The following RIT2 variants were observed in gnomAD, a reference collection of about 807,000 sequenced individuals.
RIT2 encodes the protein Ras like without CAAX 2, also known as GTP-binding protein Rit2.
RIT2 carries 24 observed loss-of-function variants against 23.7 expected under a neutral mutation model. The observed-to-expected ratio is 1.01, with a 90% CI of 0.73 to 1.43. RIT2 has a LOEUF of 1.43. RIT2 is among the 40% of genes most tolerant of loss of function. The probability of loss-of-function intolerance (pLI) is 0.00; values close to 1 mark genes in which losing one functional copy is unlikely to be tolerated. For synonymous variants in RIT2, 107 were observed against 91.1 expected, an observed-to-expected ratio of 1.17 and a Z score of -0.99; for missense variants, 236 against 266.9, an observed-to-expected ratio of 0.88 and a Z score of 0.81.
At chr18:43,005,808 G>T (rs558391466) in intron 2 of RIT2, among the ~76,000 whole-genome samples, 1 of 151,788 alleles carries the variant, frequency 6.6e-6, no homozygotes, top group Non-Finnish European at 1.5e-5. Flanking sequence ...AACAGAAACA[G>T]AGGTAGACAA....
rs540978102 is a variant in RIT2 at position 42,967,582 on chromosome 18, G to C, written c.234+6492C>G. Among the ~76,000 whole-genome samples the C allele has an allele frequency of 3.9e-3, 506 of 130,808 alleles. 4 individuals are homozygous for C. The highest frequency in any genetic ancestry group is 0.014 in the Middle Eastern group (3 of 218). The allele number at this position is 130,808 out of a possible 152,430, so 85.8% of individuals were successfully genotyped here. ...TTTTTTTTGTATTTTTAGTAGAGAC[G>C]GGGTTTCACCATGTTAGCCAGGATG... On this transcript the variant is annotated intron_variant, in intron 3 of 4. Transcript: ENST00000326695.
intron 4 of RIT2, among the ~76,000 whole-genome samples, chr18:42,840,674 T>G (rs907142111): frequency 3.9e-5 from 6 of 152,172 alleles, no homozygotes; most frequent in African/African-American, 1.4e-4. Context: ...GCTAATTTTG[T>G]ATTTTTAATA....
chr18:42,876,403 G>A (rs535194798), intron 4 of RIT2, among the ~76,000 whole-genome samples: 16 of 148,344 alleles, frequency 1.1e-4, no homozygotes, highest in African/African-American at 4.0e-4. Context: ...CTATGTTCAT[G>A]TGGAGTTATC....
intron 1 of RIT2, among the ~76,000 whole-genome samples, chr18:43,052,014 G>A (rs1912395284): frequency 6.6e-6 from 1 of 151,920 alleles, no homozygotes; most frequent in South Asian, 2.1e-4. Flanking sequence ...ATATACCCAG[G>A]ACTCTGCCAA....
At chr18:43,108,721 T>C (rs918707526) in intron 1 of RIT2, among the ~76,000 whole-genome samples, 1 of 152,148 alleles carries the variant, frequency 6.6e-6, no homozygotes, top group African/African-American at 2.4e-5. Context: ...TTTGAGTGAG[T>C]AGATACCAAT....
intron 1 of RIT2, among the ~76,000 whole-genome samples, chr18:43,060,319 G>A (rs553204833): frequency 3.3e-5 from 5 of 152,098 alleles, no homozygotes; most frequent in Non-Finnish European, 7.4e-5. Context: ...CACATTTGAT[G>A]TTATGATTGA....
At chr18:43,047,278 A>G (rs1912271371) in intron 1 of RIT2, among the ~76,000 whole-genome samples, 1 of 151,632 alleles carries the variant, frequency 6.6e-6, no homozygotes, top group Admixed American at 6.6e-5. Flanking sequence ...ATATCCAACT[A>G]TTTCTCTCAA....
intron 2 of RIT2, among the ~76,000 whole-genome samples, chr18:42,977,599 T>A (rs879214): frequency 0.36 from 55,046 of 151,454 alleles, 13,423 homozygotes; most frequent in African/African-American, 0.69. Flanking sequence ...TGCTGGAGCT[T>A]TGAAGACACA....
At chr18:42,919,806 T>G (rs972192386) in intron 4 of RIT2, among the ~76,000 whole-genome samples, 1 of 152,104 alleles carries the variant, frequency 6.6e-6, no homozygotes, top group Non-Finnish European at 1.5e-5. Flanking sequence ...AGACTGCTTC[T>G]ACTTTGCACA....
At chr18:42,852,916 C>G (rs1399617462) in intron 4 of RIT2, among the ~76,000 whole-genome samples, 1 of 151,844 alleles carries the variant, frequency 6.6e-6, no homozygotes, top group Non-Finnish European at 1.5e-5. Flanking sequence ...TCACTGCAAC[C>G]TCTGCCTCCC....
At chr18:43,050,294 G>A (rs1337754719) in intron 1 of RIT2, among the ~76,000 whole-genome samples, 1 of 151,946 alleles carries the variant, frequency 6.6e-6, no homozygotes, top group Non-Finnish European at 1.5e-5. Context: ...GCCTCCCAAA[G>A]CACTAGGATT....
At chr18:42,831,609 A>G (rs983792672) in intron 4 of RIT2, among the ~76,000 whole-genome samples, 1 of 152,132 alleles carries the variant, frequency 6.6e-6, no homozygotes, top group Non-Finnish European at 1.5e-5. Context: ...AGAACAGGAA[A>G]TGTGACGGAG....
At chr18:43,003,411 C>T (rs914208333) in intron 2 of RIT2, among the ~76,000 whole-genome samples, 5 of 151,838 alleles carry the variant, frequency 3.3e-5, no homozygotes, top group Non-Finnish European at 5.9e-5. Context: ...AACACAAAGA[C>T]GCTTACCTTA....
At chr18:43,097,296 G>C (rs1306315104) in intron 1 of RIT2, among the ~76,000 whole-genome samples, 2 of 151,830 alleles carry the variant, frequency 1.3e-5, no homozygotes, top group African/African-American at 2.4e-5. Context: ...ATAGAGTATA[G>C]AGCATATAAA....
chr18:42,976,971 G>T (rs1194963358), intron 2 of RIT2, among the ~76,000 whole-genome samples: 1 of 151,994 alleles, frequency 6.6e-6, no homozygotes, highest in Non-Finnish European at 1.5e-5. Context: ...GAAGGAGGAA[G>T]GTAGAAGAGA....
At chr18:42,929,449 G>T (rs1194728637) in intron 3 of RIT2, among the ~76,000 whole-genome samples, 1 of 152,070 alleles carries the variant, frequency 6.6e-6, no homozygotes, top group Non-Finnish European at 1.5e-5. Flanking sequence ...GTAGAAAATG[G>T]TTCTTGTGTA....
intron 4 of RIT2, among the ~76,000 whole-genome samples, chr18:42,864,055 C>T (rs879453426): frequency 5.6e-5 from 8 of 144,078 alleles, no homozygotes; most frequent in East Asian, 2.0e-4. Flanking sequence ...AAAAAAAAAA[C>T]GATATGAAAT....
chr18:42,956,353 T>C (rs1909970435), intron 3 of RIT2, among the ~76,000 whole-genome samples: 2 of 152,180 alleles, frequency 1.3e-5, no homozygotes, highest in Non-Finnish European at 2.9e-5. Flanking sequence ...GTCCTTTTTA[T>C]TCTCTCTGTG....
In RIT2 at chr18:42,929,034, G is replaced by GAGATATATATATAT. The variant is rs1555647353; in HGVS notation, c.235-5272_235-5271insATATATATATATCT. Among the ~76,000 whole-genome samples the GAGATATATATATAT allele has an allele frequency of 3.0e-3, 289 of 96,932 alleles. 2 individuals are homozygous for GAGATATATATATAT. The highest frequency in any genetic ancestry group is 5.8e-3 in the Middle Eastern group (1 of 172). 63.6% of individuals were successfully genotyped at this position (96,932 alleles called of 152,430 possible). The stretch of plus-strand genomic sequence containing the variant: ...ACATATACTAAAACTAAAATATGGA[G>GAGATATATATATAT]ATATATATATATATATATATATATT... On this transcript the variant is annotated intron_variant, in intron 3 of 4. Coordinates refer to ENST00000326695, the MANE Select transcript of RIT2 (RefSeq NM_002930.4).
Sources: gnomAD v4.1 joint callset for allele counts (sites outside exome capture counted in the v4.1 genomes callset) on GRCh38, gnomAD v4.1.1 for gene constraint, MANE v1.5 for transcripts, NCBI Gene and HGNC (gene_info 2026-07-23, HGNC 2026-07-21) for gene names.